ALK: variants seen among roughly 807,000 people sequenced by gnomAD.
ALK encodes ALK tyrosine kinase receptor.
Under a neutral mutation model 163.1 loss-of-function variants are expected in ALK, and 74 were observed. That is an observed-to-expected ratio of 0.45 (90% CI 0.38 to 0.55). The LOEUF is 0.55. Ranked by LOEUF, ALK falls within the 20% of genes least tolerant of loss-of-function variation. The pLI is 0.00. For missense variants in ALK, 2,063 were observed against 2,105.3 expected (o/e 0.98, Z 0.39); for synonymous variants, 960 against 843.2 (o/e 1.14, Z -2.40).
intron 1 of ALK, among the ~76,000 whole-genome samples, chr2:29,814,210 C>T (rs934950601): frequency 2.0e-5 from 3 of 152,138 alleles, no homozygotes; most frequent in East Asian, 1.9e-4. Flanking sequence ...TGAGGCCCAG[C>T]GGCTAACTGA....
chr2:29,312,403 G>A (rs1666720630), intron 8 of ALK, among the ~76,000 whole-genome samples: 1 of 151,980 alleles, frequency 6.6e-6, no homozygotes, highest in Non-Finnish European at 1.5e-5. Context: ...AAGTGGGGGG[G>A]CTTCCTCCAA....
chr2:29,240,078 G>C (rs1664483309), intron 12 of ALK, among the ~76,000 whole-genome samples: 1 of 151,960 alleles, frequency 6.6e-6, no homozygotes, highest in South Asian at 2.1e-4. Context: ...GGGTGCAAGA[G>C]AGAAAGAGAG....
At chr2:29,614,221 T>A (rs1226025994) in intron 3 of ALK, among the ~76,000 whole-genome samples, 1 of 152,162 alleles carries the variant, frequency 6.6e-6, no homozygotes, top group Non-Finnish European at 1.5e-5. Context: ...CTCCTACAGC[T>A]AGTTCCAGTG....
intron 1 of ALK, among the ~76,000 whole-genome samples, chr2:29,848,929 T>C (rs1279362957): frequency 1.3e-5 from 2 of 152,178 alleles, no homozygotes; most frequent in Non-Finnish European, 2.9e-5. Context: ...CAGCTCTACG[T>C]GGACTGATTG....
chr2:29,303,420 A>G (rs1386121513), intron 8 of ALK, among the ~76,000 whole-genome samples: 2 of 152,248 alleles, frequency 1.3e-5, no homozygotes, highest in Non-Finnish European at 2.9e-5. Flanking sequence ...GAGAATGCTT[A>G]CACACTGTTG....
At position 29,222,591 on chromosome 2, in the gene ALK, C is replaced by T. The variant is rs757580052; in HGVS notation, c.3376G>A (p.Ala1126Thr). ...TGGCCTTCATACACCTCCCCAAAGG[C>T]GCCATGGCCCAGACCCCTGTGCAAA... is the stretch of plus-strand genomic sequence containing the variant. Reference protein sequence around the residue: ...ITLIRGLGHGAFGEVYEGQVS... With the variant: ...ITLIRGLGHGTFGEVYEGQVS... The change falls in exon 21 of 29, where the codon GCC becomes ACC. Residue 1126 changes from alanine to threonine, a missense_variant. Ala to Thr is a moderately conservative substitution (Grantham distance 58). Around this residue, in one of 5 missense-constraint regions of ALK, gnomAD observed 575 missense variants for 626.6 expected, o/e 0.92. Transcript: ENST00000389048. The T allele has an allele frequency of 3.1e-6, 5 of 1,613,954 alleles. No individual in the cohort carries two copies. The highest frequency in any genetic ancestry group is 2.7e-5 in the African/African-American group (2 of 74,988).
chr2:29,410,477 C>A (rs1338118467), intron 4 of ALK, among the ~76,000 whole-genome samples: 2 of 152,118 alleles, frequency 1.3e-5, no homozygotes, highest in Non-Finnish European at 2.9e-5. Flanking sequence ...GGAGCTGTGC[C>A]CTGACCACCT....
intron 3 of ALK, among the ~76,000 whole-genome samples, chr2:29,566,363 T>A (rs1674190158): frequency 6.6e-6 from 1 of 152,202 alleles, no homozygotes; most frequent in African/African-American, 2.4e-5. Flanking sequence ...AGTAGCAACA[T>A]CAATTTGCTG....
Position 29,228,936 on chromosome 2 carries a change from G to GC in ALK, c.2762_2763insG (p.Phe921LeufsTer27). The GC allele has an allele frequency of 4.0e-6, 2 of 494,832 alleles. No homozygotes were observed. The highest frequency in any genetic ancestry group is 6.4e-6 in the Non-Finnish European group (2 of 311,162). 30.7% of individuals were successfully genotyped at this position (494,832 alleles called of 1,614,324 possible). On this transcript the variant is annotated frameshift_variant, in exon 16 of 29. Transcript: ENST00000389048. LOFTEE classifies it high-confidence loss of function. ...AGGAGCACCCCCCTCCACCCCCTCC[G>GC]AAACCCCCTCTTGTCTCCCACCCCC...
At chr2:29,804,565 C>T (rs1416270572) in intron 1 of ALK, among the ~76,000 whole-genome samples, 1 of 152,236 alleles carries the variant, frequency 6.6e-6, no homozygotes, top group Non-Finnish European at 1.5e-5. Flanking sequence ...CATCATAGCT[C>T]ACTTACCTGG....
rs897187922 is a variant in ALK, at chr2:29,332,084, A to G, written c.1283-3603T>C. Among the ~76,000 whole-genome samples the G allele has an allele frequency of 3.3e-5, 5 of 152,010 alleles. No homozygotes were observed. In the South Asian group the frequency reaches 1.0e-3, roughly 32 times the overall value. The stretch of plus-strand genomic sequence containing the variant: ...GGCAGATCACAAGGTCAGGAGATCA[A>G]GACCATCTGGGCTAACATGGTGAAA... On this transcript the variant is annotated intron_variant, in intron 5 of 28. Transcript: ENST00000389048.
intron 4 of ALK, among the ~76,000 whole-genome samples, chr2:29,516,625 AGTGGTGTCTGT>A (rs1471675671): frequency 6.6e-6 from 1 of 152,210 alleles, no homozygotes; most frequent in East Asian, 1.9e-4. Context: ...CATATAGTGC[AGTGGTGTCTGT>A]GGGATCAAAT....
chr2:29,514,194 T>C (rs1439514792), intron 4 of ALK, among the ~76,000 whole-genome samples: 8 of 146,864 alleles, frequency 5.4e-5, no homozygotes, highest in Middle Eastern at 3.4e-3. Context: ...TAAAGACACA[T>C]GCACACGTAT....
intron 3 of ALK, among the ~76,000 whole-genome samples, chr2:29,607,923 T>C (rs1314474400): frequency 6.6e-6 from 1 of 152,146 alleles, no homozygotes; most frequent in Non-Finnish European, 1.5e-5. Flanking sequence ...CTTATAAAAA[T>C]AATTACAGCA....
intron 3 of ALK, among the ~76,000 whole-genome samples, chr2:29,548,087 C>G (rs1673605235): frequency 6.6e-6 from 1 of 152,122 alleles, no homozygotes; most frequent in Non-Finnish European, 1.5e-5. Context: ...TCTTCTTTTT[C>G]TTGCCTAGAA....
intron 1 of ALK, among the ~76,000 whole-genome samples, chr2:29,876,469 A>ATGATGGTGGTGATGGTGATGGTAGTGG (rs1666714267): frequency 6.8e-6 from 1 of 146,154 alleles, no homozygotes; most frequent in Admixed American, 6.8e-5. Context: ...GGCAATTGTG[A>ATGATGGTGGTGATGGTGATGGTAGTGG]TGATGGTGGT....
chr2:29,783,133 T>G (rs1284045287), intron 1 of ALK, among the ~76,000 whole-genome samples: 1 of 152,244 alleles, frequency 6.6e-6, no homozygotes, highest in Non-Finnish European at 1.5e-5. Flanking sequence ...CTTCGCTTTT[T>G]CCTACTTTTG....
chr2:29,668,504 T>A (rs778228000), intron 3 of ALK, among the ~76,000 whole-genome samples: 1 of 152,174 alleles, frequency 6.6e-6, no homozygotes, highest in Non-Finnish European at 1.5e-5. Flanking sequence ...ATTTTCTTCA[T>A]TGACCCATTG....
At chr2:29,310,104 T>G (rs975685296) in intron 8 of ALK, among the ~76,000 whole-genome samples, 1 of 152,196 alleles carries the variant, frequency 6.6e-6, no homozygotes, top group African/African-American at 2.4e-5. Context: ...GTCACTTGCT[T>G]GAGGTCATAT....
Sources: gnomAD v4.1 joint callset for allele counts (sites outside exome capture counted in the v4.1 genomes callset) on GRCh38, gnomAD v4.1.1 for gene constraint, gnomAD v4.1.1 regional missense constraint, MANE v1.5 for transcripts, NCBI Gene and HGNC (gene_info 2026-07-23, HGNC 2026-07-21) for gene names.